Variants in CDH13 observed in about 807,000 individuals in gnomAD.
CDH13 encodes cadherin-13.
CDH13 carries 24 observed loss-of-function variants against 63.8 expected under a neutral mutation model. The observed-to-expected ratio is 0.38, with a 90% CI of 0.27 to 0.53. CDH13 has a LOEUF of 0.53. Ranked by LOEUF, CDH13 falls within the 20% of genes least tolerant of loss-of-function variation. CDH13 has a pLI of 0.85. For synonymous variants in CDH13, 503 were observed against 355.3 expected, an observed-to-expected ratio of 1.42 and a Z score of -4.67; for missense variants, 1,049 against 903.1, an observed-to-expected ratio of 1.16 and a Z score of -2.07.
At chr16:83,005,052 A>T (rs1260384939) in intron 2 of CDH13, among the ~76,000 whole-genome samples, 1 of 152,184 alleles carries the variant, frequency 6.6e-6, no homozygotes, top group African/African-American at 2.4e-5. Context: ...CCTGTTGAGC[A>T]GAGCTGAGTC....
intron 6 of CDH13, among the ~76,000 whole-genome samples, chr16:83,435,241 G>C (rs1323177226): frequency 1.3e-5 from 2 of 151,986 alleles, no homozygotes; most frequent in East Asian, 3.9e-4. Flanking sequence ...ACGGGGTTTC[G>C]CCTTGTTGGC....
chr16:82,967,967 T>C, intron 2 of CDH13, among the ~76,000 whole-genome samples: 1 of 152,246 alleles, frequency 6.6e-6, no homozygotes, highest in East Asian at 1.9e-4. Flanking sequence ...TTGATAATTT[T>C]TGCCCTCCTG....
rs76351161 is a variant in CDH13 at position 83,221,199 on chromosome 16, C to T, written c.636+3702C>T. The stretch of plus-strand genomic sequence containing the variant: ...ATCTGCAAATTCCTTAGCTCCTTTC[C>T]TAGGAACTCTGCTTACCGGGGCTGG... On this transcript the variant is annotated intron_variant, in intron 5 of 13. Transcript: ENST00000567109. 7.1e-3 allele frequency among the ~76,000 whole-genome samples: 1,082 copies of T among 152,278 alleles called. 16 individuals are homozygous for T. The highest frequency in any genetic ancestry group is 0.024 in the African/African-American group (1,016 of 41,558).
Position 83,443,932 on chromosome 16 carries a change from T to TA in CDH13, c.782-42530dup, listed in dbSNP as rs58663882. Among the ~76,000 whole-genome samples the TA allele has an allele frequency of 3.4e-3, 439 of 129,752 alleles. 5 individuals are homozygous for TA. The highest frequency in any genetic ancestry group is 7.2e-3 in the African/African-American group (256 of 35,798). 85.1% of individuals were successfully genotyped at this position (129,752 alleles called of 152,430 possible). ...CCTGGGCAACAGAGGAAACCGTTTC[T>TA]AAAAAAAAAAAAAAATCAATGGTAC... On this transcript the variant is annotated intron_variant, in intron 6 of 13. Coordinates refer to ENST00000567109, the MANE Select transcript of CDH13 (RefSeq NM_001257.5).
chr16:82,842,149 T>TATATATATATATATATATACATAC (rs2039059144), intron 1 of CDH13, among the ~76,000 whole-genome samples: 3 of 37,612 alleles, frequency 8.0e-5, no homozygotes, highest in African/African-American at 1.5e-4. Context: ...CACATATATA[T>TATATATATATATATATATACATAC]ATATATATAT....
At chr16:83,013,985 C>T (rs905839525) in intron 2 of CDH13, among the ~76,000 whole-genome samples, 13 of 152,046 alleles carry the variant, frequency 8.6e-5, no homozygotes, top group African/African-American at 3.1e-4. Context: ...TTCAATAAAA[C>T]ACATATAACA....
rs980562155 is a variant in CDH13 at position 82,715,536 on chromosome 16, C to T, written c.45+88399C>T. 2.0e-5 allele frequency among the ~76,000 whole-genome samples: 3 copies of T among 152,166 alleles called. No homozygotes were observed. The South Asian group carries it at 6.2e-4, about 32-fold the overall frequency. On this transcript the variant is annotated intron_variant, in intron 1 of 13. Coordinates refer to ENST00000567109, the MANE Select transcript of CDH13 (RefSeq NM_001257.5). ...TTTTGCACACAACAATAATCTCCCT[C>T]ACCAGATTAGCTGGTGAACTGGTGG...
chr16:83,503,156 A>G (rs1025340510), intron 7 of CDH13, among the ~76,000 whole-genome samples: 6 of 152,254 alleles, frequency 3.9e-5, no homozygotes, highest in Non-Finnish European at 8.8e-5. Context: ...AGGGGTATAA[A>G]GTGAGGCCTT....
chr16:83,279,008 T>C (rs1437069315), intron 5 of CDH13, among the ~76,000 whole-genome samples: 1 of 152,166 alleles, frequency 6.6e-6, no homozygotes, highest in Non-Finnish European at 1.5e-5. Flanking sequence ...TCTTTCCTTT[T>C]TATTTATTTA....
In CDH13 at chr16:82,855,242, C is replaced by G. The variant is rs528452041; in HGVS notation, c.46-3120C>G. Among the ~76,000 whole-genome samples, 97 of 152,228 alleles carry G rather than the reference C, an allele frequency of 6.4e-4. 1 individual carries two copies. Among genetic ancestry groups the G allele is most frequent in the African/African-American group, 2.2e-3 (92 of 41,530 alleles). On this transcript the variant is annotated intron_variant, in intron 1 of 13. Coordinates refer to ENST00000567109, the MANE Select transcript of CDH13 (RefSeq NM_001257.5). ...GTAGAGGAATCCTGAATGGGCCCTG[C>G]AAAGTAATCTCAGAGATTGAGCCAC...
chr16:83,132,482 T>G (rs2036101145), intron 4 of CDH13, among the ~76,000 whole-genome samples: 1 of 126,574 alleles, frequency 7.9e-6, no homozygotes. Context: ...AGAGTCTTTC[T>G]CTGTCACCAG....
intron 7 of CDH13, among the ~76,000 whole-genome samples, chr16:83,546,655 C>T (rs10871276): frequency 0.34 from 52,348 of 151,934 alleles, 9,553 homozygotes; most frequent in East Asian, 0.39. Flanking sequence ...TTCTGGGTAG[C>T]GAAGTTTGGG....
At chr16:83,106,998 C>A (rs932009183) in intron 3 of CDH13, among the ~76,000 whole-genome samples, 1 of 152,096 alleles carries the variant, frequency 6.6e-6, no homozygotes, top group African/African-American at 2.4e-5. Context: ...CAGACACACA[C>A]TCAAGTGCAT....
intron 1 of CDH13, among the ~76,000 whole-genome samples, chr16:82,857,710 T>A (rs1206222101): frequency 6.6e-6 from 1 of 152,230 alleles, no homozygotes; most frequent in East Asian, 1.9e-4. Context: ...ATAACATATA[T>A]TTAATTTCAT....
At position 83,062,269 on chromosome 16, in the gene CDH13, A is replaced by C. The variant is rs539883547; in HGVS notation, c.366+30051A>C. ...CCCCCTGTCAGTTTTCTATCACAGT[A>C]CCTCACTTGTGTGTGTTTTCCATTC... On this transcript the variant is annotated intron_variant, in intron 3 of 13. Transcript: ENST00000567109. Among the ~76,000 whole-genome samples, 184 of 152,282 alleles carry C rather than the reference A, an allele frequency of 1.2e-3. 1 individual carries two copies. The highest frequency in any genetic ancestry group is 2.1e-3 in the Non-Finnish European group (146 of 68,018).
At chr16:83,106,663 T>G (rs7192647) in intron 3 of CDH13, among the ~76,000 whole-genome samples, 14,106 of 152,238 alleles carry the variant, frequency 0.093, 729 homozygotes, top group African/African-American at 0.13. Context: ...TACAGAATCT[T>G]TGACGTGGGA....
At position 83,086,396 on chromosome 16, in the gene CDH13, G is replaced by A. The variant is rs1235359743; in HGVS notation, c.367-38989G>A. The stretch of plus-strand genomic sequence containing the variant: ...ACTTAGTGTTCTAATCTGTAAAAGG[G>A]GATAATTCCTTCCACTGGAGTTCTA... On this transcript the variant is annotated intron_variant, in intron 3 of 13. Transcript: ENST00000567109. Among the ~76,000 whole-genome samples the A allele has an allele frequency of 5.3e-5, 8 of 152,258 alleles. No homozygotes were observed. In the East Asian group the frequency reaches 1.5e-3, roughly 29 times the overall value.
chr16:83,691,968 A>T (rs894028412), intron 10 of CDH13, among the ~76,000 whole-genome samples: 2 of 152,100 alleles, frequency 1.3e-5, no homozygotes, highest in African/African-American at 4.8e-5. Flanking sequence ...TACCCCTTTT[A>T]TACAGGGGAA....
In CDH13 at chr16:83,668,837, C is replaced by T. The variant is rs187156680; in HGVS notation, c.1102-1953C>T. 6.6e-5 allele frequency among the ~76,000 whole-genome samples: 10 copies of T among 152,324 alleles called. No homozygotes were observed. The East Asian group carries it at 1.5e-3, about 24-fold the overall frequency. ...AGATCACACATGTGTCACCAAGCCC[C>T]CTCCTGACTACATGGCAGGTAGCAT... is the stretch of plus-strand genomic sequence containing the variant. On this transcript the variant is annotated intron_variant, in intron 8 of 13. Coordinates refer to ENST00000567109, the MANE Select transcript of CDH13 (RefSeq NM_001257.5).
Sources: gnomAD v4.1 joint callset for allele counts (sites outside exome capture counted in the v4.1 genomes callset) on GRCh38, gnomAD v4.1.1 for gene constraint, MANE v1.5 for transcripts, NCBI Gene and HGNC (gene_info 2026-07-23, HGNC 2026-07-21) for gene names.